CCDC34: variants seen among roughly 807,000 people sequenced by gnomAD.
The protein encoded by CCDC34 is coiled-coil domain containing 34, also known as coiled-coil domain-containing protein 34.
Under a neutral mutation model 44.1 loss-of-function variants are expected in CCDC34, and 40 were observed. That is an observed-to-expected ratio of 0.91 (90% confidence interval 0.70 to 1.18). CCDC34 has a LOEUF of 1.18. Among genes scored for constraint, CCDC34 ranks in the 50% most tolerant of loss-of-function variants. CCDC34 has a pLI of 0.00. For missense variants in CCDC34, 466 were observed against 452.3 expected, an observed-to-expected ratio of 1.03 and a Z score of -0.28; for synonymous variants, 159 against 158.2, an observed-to-expected ratio of 1.01 and a Z score of -0.04.
At chr11:27,356,121 T>C (rs1862573566) in intron 2 of CCDC34, among the ~76,000 whole-genome samples, 1 of 147,284 alleles carries the variant, frequency 6.8e-6, no homozygotes, top group African/African-American at 2.5e-5. Flanking sequence ...TGGGTTCAAG[T>C]GGTTCTCCTG....
intron 1 of CCDC34, among the ~76,000 whole-genome samples, chr11:27,359,595 TCTC>T (rs1276859503): frequency 6.6e-6 from 1 of 152,080 alleles, no homozygotes; most frequent in Non-Finnish European, 1.5e-5. Flanking sequence ...TTCACACCAT[TCTC>T]CTGCCTCAGC....
intron 2 of CCDC34, among the ~76,000 whole-genome samples, chr11:27,355,025 A>C (rs1327328743): frequency 6.6e-6 from 1 of 152,158 alleles, no homozygotes; most frequent in Non-Finnish European, 1.5e-5. Flanking sequence ...GTTCTGTGTG[A>C]CTACCAAGCC....
At chr11:27,347,499 T>TA (rs1862450367) in intron 3 of CCDC34, among the ~76,000 whole-genome samples, 1 of 152,136 alleles carries the variant, frequency 6.6e-6, no homozygotes, top group South Asian at 2.1e-4. Context: ...ACAATTTCTA[T>TA]GAAATTGAAT....
At position 27,340,776 on chromosome 11, in the gene CCDC34, A is replaced by T; in HGVS notation, c.827T>A (p.Phe276Tyr). The T allele has an allele frequency of 6.2e-7, 1 of 1,613,718 alleles. No homozygotes were observed. The highest frequency in any genetic ancestry group is 8.5e-7 in the Non-Finnish European group (1 of 1,179,826). ...TTTCGCATTTTCCAACCATTCTTGA[A>T]ACTTTTTTTCTGCTATTTCCTTTTT... is the stretch of plus-strand genomic sequence containing the variant. ...QEKKEIAEKK[F>Y]QEWLENAKHK... Residue 276 changes from phenylalanine (F) to tyrosine (Y), a missense_variant, in exon 5 of 6, where the codon TTT becomes TAT. Phe to Tyr is a conservative substitution (Grantham distance 22, BLOSUM62 3). Transcript: ENST00000328697.
intron 1 of CCDC34, among the ~76,000 whole-genome samples, chr11:27,359,574 C>T (rs1862631681): frequency 6.6e-6 from 1 of 151,940 alleles, no homozygotes; most frequent in Non-Finnish European, 1.5e-5. Flanking sequence ...CTGCAAGCTC[C>T]GCCTCCCTGG....
At position 27,340,806 on chromosome 11, in the gene CCDC34, T is replaced by C. The variant is rs139763669; in HGVS notation, c.797A>G (p.Gln266Arg). Reference protein sequence around the residue: ...EKEKQQQAEIQEKKEIAEKKF... With the variant: ...EKEKQQQAEIREKKEIAEKKF... ...TTTTTCTGCTATTTCCTTTTTCTCC[T>C]GTATTTCAGCTTGCTGTTGTTTTTC... The change falls in exon 5 of 6, where the codon CAG becomes CGG. Residue 266 changes from glutamine (Q) to arginine (R), a missense_variant. Transcript: ENST00000328697. The C allele has an allele frequency of 6.8e-6, 11 of 1,613,420 alleles. No individual in the cohort carries two copies. The highest frequency in any genetic ancestry group is 1.1e-5 in the South Asian group (1 of 90,878).
chr11:27,356,291 C>T (rs543418506), intron 2 of CCDC34, among the ~76,000 whole-genome samples: 1 of 151,980 alleles, frequency 6.6e-6, no homozygotes, highest in Admixed American at 6.6e-5. Context: ...GCTGGCATTA[C>T]AGGTGTGAGC....
chr11:27,340,308 A>G (rs1862337556), intron 5 of CCDC34, among the ~76,000 whole-genome samples: 1 of 152,208 alleles, frequency 6.6e-6, no homozygotes, highest in South Asian at 2.1e-4. Context: ...TACCTCACAC[A>G]AAGAATGTGC....
In CCDC34 at chr11:27,363,040, G is replaced by A. The variant is rs544891667; in HGVS notation, c.155C>T (p.Ser52Leu). Residue 52 changes from serine to leucine, a missense_variant, in exon 1 of 6, where the codon TCG becomes TTG. By Grantham distance (145) the Ser-to-Leu change is moderately radical. Transcript: ENST00000328697. Reference sequence around the variant, plus strand: ...GCTGCAGCTCAGCGGCAGCGGCGGCGACGGCGAGCGCACCACCTCCAGCCC... The same window carrying A: ...GCTGCAGCTCAGCGGCAGCGGCGGCAACGGCGAGCGCACCACCTCCAGCCC... ...GQGLEVVRSP[S>L]PPLPLSCSNS... 6.8e-5 allele frequency: 110 copies of A among 1,613,944 alleles called. No homozygotes were observed. In the South Asian group the frequency reaches 1.2e-3, roughly 17 times the overall value.
chr11:27,348,377 A>T (rs1382856932), intron 3 of CCDC34, among the ~76,000 whole-genome samples: 1 of 152,230 alleles, frequency 6.6e-6, no homozygotes. Flanking sequence ...AATAATTTTT[A>T]AAAACATTAA....
At chr11:27,340,602 AAT>A (rs1394684493) in intron 5 of CCDC34, 92 bp downstream of exon 5, 6 of 1,268,790 alleles carry the variant, frequency 4.7e-6, no homozygotes, top group Non-Finnish European at 6.4e-6. Context: ...TTGAAAGAAA[AAT>A]AATTTTTACA....
chr11:27,359,984 T>G (rs1001846952), intron 1 of CCDC34, among the ~76,000 whole-genome samples: 2 of 152,220 alleles, frequency 1.3e-5, no homozygotes, highest in Non-Finnish European at 2.9e-5. Flanking sequence ...GCTTAGGGTC[T>G]AGAATATAGT....
intron 2 of CCDC34, among the ~76,000 whole-genome samples, chr11:27,356,198 A>G (rs1048893668): frequency 3.3e-5 from 5 of 151,280 alleles, no homozygotes; most frequent in African/African-American, 9.7e-5. Context: ...TTGTATTTTT[A>G]GTACAGATGG....
At chr11:27,341,285 T>C (rs924012640) in intron 4 of CCDC34, 107 bp downstream of exon 4, 9 of 646,240 alleles carry the variant, frequency 1.4e-5, no homozygotes, top group Non-Finnish European at 2.3e-5. Context: ...GTGTTTATTT[T>C]ATGCTAAGAT....
chr11:27,338,909 A>C lies in CCDC34; in HGVS notation c.1034T>G (p.Ile345Arg), dbSNP rs1273957820. The change falls in exon 6 of 6, where the codon ATA becomes AGA. Residue 345 changes from isoleucine to arginine, a missense_variant. Physicochemically the swap from Ile to Arg is moderately conservative, Grantham distance 97. Coordinates refer to ENST00000328697, the MANE Select transcript of CCDC34 (RefSeq NM_030771.2). ...LSGRKSKRPVISQPHKSSSLV... is the reference protein window; with the variant it reads ...LSGRKSKRPVRSQPHKSSSLV... ...AGATGATGACTTGTGTGGCTGACTTATCACAGGTCTTTTACTCTTCCTTCC... is the reference window on the plus strand; with the variant it reads ...AGATGATGACTTGTGTGGCTGACTTCTCACAGGTCTTTTACTCTTCCTTCC... The C allele has an allele frequency of 1.9e-6, 3 of 1,613,778 alleles. No individual in the cohort carries two copies. In the African/African-American group the frequency reaches 4.0e-5, roughly 22 times the overall value.
chr11:27,342,763 T>C (rs181259073), intron 3 of CCDC34, among the ~76,000 whole-genome samples: 2 of 152,066 alleles, frequency 1.3e-5, no homozygotes, highest in African/African-American at 2.4e-5. Flanking sequence ...TGGCCCTTTA[T>C]AGAAAAAAAA....
rs139499751 is a variant in CCDC34 at position 27,338,819 on chromosome 11, C to T, written c.*2G>A. 5.5e-5 allele frequency: 88 copies of T among 1,605,928 alleles called. 1 individual carries two copies. The highest frequency in any genetic ancestry group is 3.5e-4 in the African/African-American group (26 of 74,660). On this transcript the variant is annotated 3_prime_UTR_variant, in exon 6 of 6. Coordinates refer to ENST00000328697, the MANE Select transcript of CCDC34 (RefSeq NM_030771.2). ...ATAAAAGCATGTTATTTTCCACATA[C>T]GCTATCTTTGTATTCTGCACAGAGT...
At position 27,344,708 on chromosome 11, in the gene CCDC34, C is replaced by A. The variant is rs539994882; in HGVS notation, c.607-3158G>T. Reference sequence around the variant, plus strand: ...AGACATAAATAACTGGAAAGAAAAACCATGTTTATAGATTTAAAATTTGAT... The same window carrying A: ...AGACATAAATAACTGGAAAGAAAAAACATGTTTATAGATTTAAAATTTGAT... On this transcript the variant is annotated intron_variant, in intron 3 of 5. Transcript: ENST00000328697. Among the ~76,000 whole-genome samples, 138 of 152,000 alleles carry A rather than the reference C, an allele frequency of 9.1e-4. No homozygotes were observed. The Middle Eastern group carries it at 0.017, about 19-fold the overall frequency.
chr11:27,349,901 A>G (rs541462623), intron 3 of CCDC34: 17 of 1,010,764 alleles, frequency 1.7e-5, no homozygotes, highest in African/African-American at 5.1e-5. Flanking sequence ...TTGTAAAGAA[A>G]AGGAGGAGAT....
Sources: allele counts gnomAD v4.1 joint callset (sites outside exome capture counted in the v4.1 genomes callset), GRCh38; gene constraint gnomAD v4.1.1; transcripts MANE v1.5; gene names NCBI Gene and HGNC (gene_info 2026-07-23, HGNC 2026-07-21).